The following SMAD2 variants were observed in gnomAD, a reference collection of about 807,000 sequenced individuals.
SMAD2 encodes the protein SMAD family member 2, also known as MAD homolog 2.
Under a neutral mutation model 64.4 loss-of-function variants are expected in SMAD2, and 8 were observed. The observed-to-expected ratio is 0.12, with a 90% confidence interval of 0.07 to 0.22. The LOEUF (loss-of-function observed/expected upper bound fraction) is 0.22. Ranked by LOEUF, SMAD2 falls within the 10% of genes least tolerant of loss-of-function variation. SMAD2 has a pLI of 1.00. For missense variants in SMAD2, 289 were observed against 561.2 expected (o/e 0.51, Z 4.90); for synonymous variants, 203 against 195.8 (o/e 1.04, Z -0.31).
rs778173914 is a variant in SMAD2 at position 47,818,477 on chromosome 18, G to A, written c.*23350C>T. On this transcript the variant is annotated 3_prime_UTR_variant, in exon 11 of 11. Coordinates refer to ENST00000262160, the MANE Select transcript of SMAD2 (RefSeq NM_005901.6). ...CTTGAGCTCAGGGCAATAATATAAGGTATCTCTGGTATAGCATAAAAATTG... is the reference window on the plus strand; with the variant it reads ...CTTGAGCTCAGGGCAATAATATAAGATATCTCTGGTATAGCATAAAAATTG... The A allele has an allele frequency of 2.0e-5, 3 of 152,058 alleles. No homozygotes were observed. Among genetic ancestry groups the A allele is most frequent in the Non-Finnish European group, 2.9e-5 (2 of 68,022 alleles). 9.4% of individuals were successfully genotyped at this position (152,058 alleles called of 1,614,324 possible).
chr18:47,859,710 A>C (rs755930203), intron 6 of SMAD2, among the ~76,000 whole-genome samples: 8 of 152,198 alleles, frequency 5.3e-5, no homozygotes, highest in Non-Finnish European at 2.9e-5. Context: ...TGTACACCAC[A>C]GGAGGCTAGA....
intron 2 of SMAD2, among the ~76,000 whole-genome samples, chr18:47,892,014 G>A (rs1401279746): frequency 1.3e-5 from 2 of 152,040 alleles, no homozygotes; most frequent in Admixed American, 6.6e-5. Context: ...TTAGAAGTAT[G>A]CTTTATCAAG....
Position 47,841,036 on chromosome 18 carries a change from GTGA to G in SMAD2, c.*788_*790del, listed in dbSNP as rs1052993978. ...AGCAGTATCAATGCAACTATTACTG[GTGA>G]TGATGTCATGTTATGCTGTTTTGAT... On this transcript the variant is annotated 3_prime_UTR_variant, in exon 11 of 11. Coordinates refer to ENST00000262160, the MANE Select transcript of SMAD2 (RefSeq NM_005901.6). The G allele has an allele frequency of 1.2e-4, 27 of 232,064 alleles. No homozygotes were observed. The highest frequency in any genetic ancestry group is 5.5e-4 in the African/African-American group (25 of 45,258). 14.4% of individuals were successfully genotyped at this position (232,064 alleles called of 1,614,324 possible).
Position 47,838,254 on chromosome 18 carries a change from A to AAT in SMAD2, c.*3571_*3572dup, listed in dbSNP as rs1427603721. On this transcript the variant is annotated 3_prime_UTR_variant, in exon 11 of 11. Transcript: ENST00000262160. ...AAGACAGACAAATCAAGCAAAACTC[A>AAT]ATGTGGCTTAAGGTAAAAAATACAA... 8.6e-6 allele frequency: 2 copies of AAT among 232,964 alleles called. No homozygotes were observed. The highest frequency in any genetic ancestry group is 4.4e-5 in the African/African-American group (2 of 45,320). 14.4% of individuals were successfully genotyped at this position (232,964 alleles called of 1,614,324 possible).
At chr18:47,901,113 T>A (rs1466560325) in intron 1 of SMAD2, among the ~76,000 whole-genome samples, 1 of 152,162 alleles carries the variant, frequency 6.6e-6, no homozygotes, top group African/African-American at 2.4e-5. Flanking sequence ...GTCCTATATA[T>A]GTGCATCCAT....
In SMAD2 at chr18:47,838,790, C is replaced by T. The variant is rs960428838; in HGVS notation, c.*3037G>A. ...CTCCAACAGCCTCCCCTAAGCCAGCCCCCAAGGTGTCTCTGTGGAACCTAC... is the reference window on the plus strand; with the variant it reads ...CTCCAACAGCCTCCCCTAAGCCAGCTCCCAAGGTGTCTCTGTGGAACCTAC... On this transcript the variant is annotated 3_prime_UTR_variant, in exon 11 of 11. Transcript: ENST00000262160. 1.3e-5 allele frequency: 3 copies of T among 232,604 alleles called. No individual in the cohort carries two copies. Among genetic ancestry groups the T allele is most frequent in the Admixed American group, 5.6e-5 (1 of 17,732 alleles). 14.4% of individuals were successfully genotyped at this position (232,604 alleles called of 1,614,324 possible).
chr18:47,874,993 C>T (rs2032184334), intron 2 of SMAD2, among the ~76,000 whole-genome samples: 1 of 152,104 alleles, frequency 6.6e-6, no homozygotes, highest in East Asian at 1.9e-4. Context: ...ACATTAGAGG[C>T]ACATTACTTC....
intron 1 of SMAD2, among the ~76,000 whole-genome samples, chr18:47,913,918 A>G (rs2034238359): frequency 6.6e-6 from 1 of 152,244 alleles, no homozygotes; most frequent in African/African-American, 2.4e-5. Context: ...TTTCAAAAGA[A>G]CACAAAGACT....
chr18:47,856,732 G>A (rs2030719159), intron 6 of SMAD2, among the ~76,000 whole-genome samples: 1 of 151,688 alleles, frequency 6.6e-6, no homozygotes, highest in South Asian at 2.1e-4. Context: ...ATTTTTTAAT[G>A]AGGTTCATTA....
rs568252030 is a variant in SMAD2, at chr18:47,865,738, A to G, written c.656-605T>C. Among the ~76,000 whole-genome samples the G allele has an allele frequency of 1.2e-4, 18 of 152,350 alleles. 1 individual carries two copies. In the South Asian group the frequency reaches 3.7e-3, roughly 32 times the overall value. On this transcript the variant is annotated intron_variant, in intron 5 of 10. Transcript: ENST00000262160. ...GTTTGAAGCAGAAAATTCAATTCAAATATAGACTACTGTATAAAGAGGTAA... is the reference window on the plus strand; with the variant it reads ...GTTTGAAGCAGAAAATTCAATTCAAGTATAGACTACTGTATAAAGAGGTAA...
In SMAD2 at chr18:47,837,659, A is replaced by C. The variant is rs1381898445; in HGVS notation, c.*4168T>G. ...TGTTGTCAGGTAGAAAGGAAGAATA[A>C]AATTCAGGCAATGAATATAATAGAT... is the stretch of plus-strand genomic sequence containing the variant. On this transcript the variant is annotated 3_prime_UTR_variant, in exon 11 of 11. Transcript: ENST00000262160. The C allele has an allele frequency of 4.3e-6, 1 of 233,114 alleles. No individual in the cohort carries two copies. Among genetic ancestry groups the C allele is most frequent in the Non-Finnish European group, 8.5e-6 (1 of 117,946 alleles). The allele number at this position is 233,114 out of a possible 1,614,324, so 14.4% of individuals were successfully genotyped here.
rs770214785 is a variant in SMAD2, at chr18:47,818,724, G to A, written c.*23103C>T. The stretch of plus-strand genomic sequence containing the variant: ...TTAAATATTAACATTAAACTCATTT[G>A]AAACTGAAAAAAGGGAAAAAAGGGG... On this transcript the variant is annotated 3_prime_UTR_variant, in exon 11 of 11. Coordinates refer to ENST00000262160, the MANE Select transcript of SMAD2 (RefSeq NM_005901.6). 1 of 152,096 alleles carries A rather than the reference G, an allele frequency of 6.6e-6. No homozygotes were observed. Among genetic ancestry groups the A allele is most frequent in the Non-Finnish European group, 1.5e-5 (1 of 68,000 alleles). 9.4% of individuals were successfully genotyped at this position (152,096 alleles called of 1,614,324 possible).
intron 2 of SMAD2, among the ~76,000 whole-genome samples, chr18:47,878,656 C>G (rs1052643604): frequency 1.3e-5 from 2 of 152,026 alleles, no homozygotes; most frequent in African/African-American, 4.8e-5. Flanking sequence ...AAGAATCAAG[C>G]AAACTTTTGG....
chr18:47,925,711 T>A (rs542757781), intron 1 of SMAD2, among the ~76,000 whole-genome samples: 1 of 152,254 alleles, frequency 6.6e-6, no homozygotes, highest in South Asian at 2.1e-4. Flanking sequence ...AGTACTTTTG[T>A]ACTACTGCTA....
intron 6 of SMAD2, among the ~76,000 whole-genome samples, chr18:47,860,837 A>G (rs577086832): frequency 1.3e-5 from 2 of 152,314 alleles, no homozygotes; most frequent in East Asian, 3.9e-4. Context: ...AGCCATTTAT[A>G]AAACACAATT....
At chr18:47,857,927 T>C (rs908652410) in intron 6 of SMAD2, among the ~76,000 whole-genome samples, 1 of 152,190 alleles carries the variant, frequency 6.6e-6, no homozygotes, top group African/African-American at 2.4e-5. Context: ...TCTGATAAGG[T>C]AGGGAACTGA....
chr18:47,891,396 G>A (rs543864579), intron 2 of SMAD2, among the ~76,000 whole-genome samples: 3 of 152,184 alleles, frequency 2.0e-5, no homozygotes, highest in South Asian at 2.1e-4. Context: ...GTAATACAAC[G>A]TTCACTACAG....
Position 47,812,814 on chromosome 18 carries a change from AGCCTTGCACAGGT to A in SMAD2, c.*29000_*29012del, listed in dbSNP as rs1912247260. Reference sequence around the variant, plus strand: ...ACTGTCTCCCCAGGACCCCCACAGGAGCCTTGCACAGGTATCTCATGAACATCCAAGTACCACT... The same window carrying A: ...ACTGTCTCCCCAGGACCCCCACAGGAATCTCATGAACATCCAAGTACCACT... On this transcript the variant is annotated 3_prime_UTR_variant, in exon 11 of 11. Transcript: ENST00000262160. 6.6e-6 allele frequency: 1 copy of A among 152,222 alleles called. No individual in the cohort carries two copies. Among genetic ancestry groups the A allele is most frequent in the Admixed American group, 6.5e-5 (1 of 15,274 alleles). The allele number at this position is 152,222 out of a possible 1,614,324, so 9.4% of individuals were successfully genotyped here.
rs1913844186 is a variant in SMAD2, at chr18:47,840,548, A to T, written c.*1279T>A. 1 of 232,230 alleles carries T rather than the reference A, an allele frequency of 4.3e-6. No homozygotes were observed. Among genetic ancestry groups the T allele is most frequent in the Non-Finnish European group, 8.5e-6 (1 of 117,454 alleles). 14.4% of individuals were successfully genotyped at this position (232,230 alleles called of 1,614,324 possible). On this transcript the variant is annotated 3_prime_UTR_variant, in exon 11 of 11. Coordinates refer to ENST00000262160, the MANE Select transcript of SMAD2 (RefSeq NM_005901.6). ...TTTCCCCCAATTTTTAAAATTCTGA[A>T]TTCATAATTATGTGTAGAATAACAA...
Sources: gnomAD v4.1 joint callset for allele counts (sites outside exome capture counted in the v4.1 genomes callset) on GRCh38, gnomAD v4.1.1 for gene constraint, MANE v1.5 for transcripts, NCBI Gene and HGNC (gene_info 2026-07-23, HGNC 2026-07-21) for gene names.